AHNAK2: variants seen among roughly 807,000 people sequenced by gnomAD.
AHNAK2 encodes the protein AHNAK nucleoprotein 2, also known as protein AHNAK2.
Under a neutral mutation model 30.7 loss-of-function variants are expected in AHNAK2, and 18 were observed. That is an observed-to-expected ratio of 0.59 (90% CI 0.41 to 0.87). AHNAK2 has a LOEUF of 0.87. Among genes scored for constraint, AHNAK2 ranks in the 40% least tolerant of loss-of-function variants. The pLI is 0.00. For missense variants in AHNAK2, 8,604 were observed against 7,373.0 expected (o/e 1.17, Z -6.11); for synonymous variants, 3,590 against 3,073.8 (o/e 1.17, Z -5.56).
rs191205927 is a variant in AHNAK2 at position 104,948,515 on chromosome 14, A to C, written c.6936T>G (p.Thr2312=). 9,615 of 1,611,804 alleles carry C rather than the reference A, an allele frequency of 6.0e-3. 60 individuals are homozygous for C. Among genetic ancestry groups the C allele is most frequent in the South Asian group, 0.011 (963 of 91,016 alleles). ...GCATTTTGAACTTGCTGTCTTTGGC[A>C]GTCACGTCCTTGTCGGCCAGGGACA... The part of the protein sequence containing the change: ...GDMSLADKDV[T]AKDSKFKMPK... The change falls in exon 7 of 7, where the codon ACT becomes ACG. Residue 2312 remains threonine, a synonymous_variant. Coordinates refer to ENST00000333244, the MANE Select transcript of AHNAK2 (RefSeq NM_138420.4).
At chr14:104,955,902 A>C (rs988099548) in intron 4 of AHNAK2, among the ~76,000 whole-genome samples, 4 of 152,266 alleles carry the variant, frequency 2.6e-5, no homozygotes, top group Non-Finnish European at 5.9e-5. Flanking sequence ...CAGGCCCAGC[A>C]GGGCACCAGG....
intron 1 of AHNAK2, among the ~76,000 whole-genome samples, chr14:104,962,242 G>A (rs1405230224): frequency 6.6e-6 from 1 of 152,146 alleles, no homozygotes; most frequent in Non-Finnish European, 1.5e-5. Context: ...GACAGTCACT[G>A]AGACAGGCCC....
Position 104,944,695 on chromosome 14 carries a change from T to G in AHNAK2, c.10756A>C (p.Lys3586Gln), listed in dbSNP as rs1206661320. ...ACTCTCACTTCTGCCTTGGGGCCTT[T>G]CAGGTCCAGCTTGGGGCCCTTAACA... ...IDVKGPKLDL[K>Q]GPKAEVRVPD... Residue 3586 changes from lysine to glutamine, a missense_variant, in exon 7 of 7, where the codon AAA (lysine) becomes CAA (glutamine). Lys to Gln is a moderately conservative substitution (Grantham distance 53). Coordinates refer to ENST00000333244, the MANE Select transcript of AHNAK2 (RefSeq NM_138420.4). The G allele has an allele frequency of 5.0e-6, 8 of 1,612,724 alleles. No homozygotes were observed. The Admixed American group carries it at 8.3e-5, about 17-fold the overall frequency.
At position 104,953,539 on chromosome 14, in the gene AHNAK2, C is replaced by T; in HGVS notation, c.1912G>A (p.Asp638Asn). 1 of 1,613,972 alleles carries T rather than the reference C, an allele frequency of 6.2e-7. No individual in the cohort carries two copies. Among genetic ancestry groups the T allele is most frequent in the Non-Finnish European group, 8.5e-7 (1 of 1,179,902 alleles). Residue 638 changes from aspartate (D) to asparagine (N), a missense_variant, in exon 7 of 7, where the codon GAC becomes AAC. Transcript: ENST00000333244. ...RTEEGLKDKE[D>N]SDSMTNTTKI... is the part of the protein sequence containing the mutation. ...GTTGTGTTTGTCATTGAGTCACTGT[C>T]TTCTTTGTCTTTTAATCCTTCCTCT...
Position 104,949,237 on chromosome 14 carries a change from G to GC in AHNAK2, c.6213dup (p.Pro2072AlafsTer61), listed in dbSNP as rs766102239. 9.3e-7 allele frequency: 1 copy of GC among 1,070,646 alleles called. No homozygotes were observed. The allele number at this position is 1,070,646 out of a possible 1,614,324, so 66.3% of individuals were successfully genotyped here. On this transcript the variant is annotated frameshift_variant, in exon 7 of 7. Coordinates refer to ENST00000333244, the MANE Select transcript of AHNAK2 (RefSeq NM_138420.4). LOFTEE classifies it low-confidence loss of function (END_TRUNC). ...TTCAAACTGGGCATCTCCACCTTGG[G>GC]CAGGTGCCCTTTGAGGCCAGCTCCC...
rs1898196475 is a variant in AHNAK2 at position 104,945,216 on chromosome 14, T to A, written c.10235A>T (p.Asp3412Val). 1 of 1,612,776 alleles carries A rather than the reference T, an allele frequency of 6.2e-7. No homozygotes were observed. Among genetic ancestry groups the A allele is most frequent in the Admixed American group, 1.7e-5 (1 of 59,924 alleles). ...PKVDLKSPQVDIKGPKLDLKV... is the reference protein window; with the variant it reads ...PKVDLKSPQVVIKGPKLDLKV... Reference sequence around the variant, plus strand: ...TAGGTCCAGCTTGGGGCCCTTGATGTCCACCTGGGGGCTCTTGAGGTCCAC... The same window carrying A: ...TAGGTCCAGCTTGGGGCCCTTGATGACCACCTGGGGGCTCTTGAGGTCCAC... The change falls in exon 7 of 7, where the codon GAC becomes GTC. Residue 3412 changes from aspartate to valine, a missense_variant. Asp to Val is a radical substitution (Grantham distance 152, BLOSUM62 -3). Coordinates refer to ENST00000333244, the MANE Select transcript of AHNAK2 (RefSeq NM_138420.4).
At chr14:104,957,796 C>T (rs1326371793) in intron 1 of AHNAK2, 124 bp from the exon 2 acceptor site, 20 of 1,001,552 alleles carry the variant, frequency 2.0e-5, no homozygotes, top group South Asian at 7.3e-5. Flanking sequence ...GACACTGGAT[C>T]GGAGAGCAAA....
Position 104,954,083 on chromosome 14 carries a change from C to G in AHNAK2, c.1368G>C (p.Gln456His). The G allele has an allele frequency of 1.2e-6, 2 of 1,613,256 alleles. No homozygotes were observed. Among genetic ancestry groups the G allele is most frequent in the Non-Finnish European group, 1.7e-6 (2 of 1,179,862 alleles). The change falls in exon 7 of 7, where the codon CAG (glutamine) becomes CAC (histidine). Residue 456 changes from glutamine (Q) to histidine (H), a missense_variant. Transcript: ENST00000333244. This position sits in a 1 kb window ranked among gnomAD's most constrained non-coding sequence, Gnocchi z 4.3. ...MSREGEGEGL[Q>H]SLEIGIARLS... ...GTCTGGCGATCCCGATTTCCAGGCT[C>G]TGCAGTCCCTCGCCTTCACCCTCCC... is the stretch of plus-strand genomic sequence containing the variant.
rs759787478 is a variant in AHNAK2 at position 104,939,161 on chromosome 14, C to A, written c.16290G>T (p.Gly5430=). 8.1e-6 allele frequency: 13 copies of A among 1,612,400 alleles called. 1 individual carries two copies. The Admixed American group carries it at 1.2e-4, about 15-fold the overall frequency. ...CCTTCAGGATGCTGGCTCCCCAGAG[C>A]CCCGGACTTTCCTTACAAAGGGCTG... ...IDTALCKESP[G]LWGASILKAG... The change falls in exon 7 of 7, where the codon GGG becomes GGT. Residue 5430 remains glycine, a synonymous_variant. Transcript: ENST00000333244.
chr14:104,955,695 G>C, intron 4 of AHNAK2, 62 bp from the exon 5 acceptor site: 3 of 1,568,810 alleles, frequency 1.9e-6, no homozygotes, highest in South Asian at 2.4e-5. Context: ...AAGCATCCCT[G>C]CTGGGGCCTG....
rs565631391 is a variant in AHNAK2, at chr14:104,946,947, G to A, written c.8504C>T (p.Ser2835Leu). Residue 2835 changes from serine to leucine, a missense_variant, in exon 7 of 7, where the codon TCG becomes TTG. Coordinates refer to ENST00000333244, the MANE Select transcript of AHNAK2 (RefSeq NM_138420.4). The stretch of plus-strand genomic sequence containing the variant: ...CACCTTCAGCTCAGACACATCCACC[G>A]AGGCCTCGATGGACTTGCCTGGGGC... ...VSAPGKSIEA[S>L]VDVSELKVEA... The A allele has an allele frequency of 2.6e-4, 419 of 1,611,148 alleles. 5 individuals carry two copies. In the Middle Eastern group the frequency reaches 2.6e-3, roughly 10 times the overall value.
In AHNAK2 at chr14:104,952,689, A is replaced by G; in HGVS notation, c.2762T>C (p.Met921Thr). Residue 921 changes from methionine to threonine, a missense_variant, in exon 7 of 7, where the codon ATG becomes ACG. Coordinates refer to ENST00000333244, the MANE Select transcript of AHNAK2 (RefSeq NM_138420.4). ...GPKVHLPKVE[M>T]PSFKMPKVDL... ...CACTTTGGGCATCTTGAAACTGGGC[A>G]TCTCCACTTTGGGCAGGTGCACTTT... 5.6e-6 allele frequency: 9 copies of G among 1,611,948 alleles called. No homozygotes were observed. Among genetic ancestry groups the G allele is most frequent in the Non-Finnish European group, 7.6e-6 (9 of 1,179,412 alleles).
chr14:104,941,043 G>A lies in AHNAK2; in HGVS notation c.14408C>T (p.Ala4803Val), dbSNP rs1259363370. ...TKYQVTVPRAALAPELALEIP... is the reference protein window; with the variant it reads ...TKYQVTVPRAVLAPELALEIP... ...TTCCAGAGCAAGCTCAGGGGCCAAG[G>A]CAGCTCTGGGAACAGTCACCTGGTA... is the stretch of plus-strand genomic sequence containing the variant. Residue 4803 changes from alanine to valine, a missense_variant, in exon 7 of 7, where the codon GCC becomes GTC. Ala to Val is a moderately conservative substitution (Grantham distance 64). Transcript: ENST00000333244. The A allele has an allele frequency of 6.2e-7, 1 of 1,613,622 alleles. No individual in the cohort carries two copies. Among genetic ancestry groups the A allele is most frequent in the Non-Finnish European group, 8.5e-7 (1 of 1,179,894 alleles).
chr14:104,941,755 C>A lies in AHNAK2; in HGVS notation c.13696G>T (p.Val4566Leu), dbSNP rs370550153. 8.6e-5 allele frequency: 139 copies of A among 1,613,068 alleles called. No homozygotes were observed. The highest frequency in any genetic ancestry group is 1.0e-4 in the Non-Finnish European group (121 of 1,179,644). ...TCCAGCTTGGGGCCCTTGACGTCCA[C>A]CTGGGGGCCCTTGAGGTCCACTTTG... Reference protein sequence around the residue: ...MPKVDLKGPQVDVKGPKLDLK... With the variant: ...MPKVDLKGPQLDVKGPKLDLK... The change falls in exon 7 of 7, where the codon GTG (valine) becomes TTG (leucine). Residue 4566 changes from valine (V) to leucine (L), a missense_variant. Val to Leu is a conservative substitution (Grantham distance 32, BLOSUM62 1). Transcript: ENST00000333244.
Position 104,952,319 on chromosome 14 carries a change from A to C in AHNAK2, c.3132T>G (p.Thr1044=), listed in dbSNP as rs747659713. The C allele has an allele frequency of 9.3e-6, 15 of 1,611,920 alleles. 1 individual carries two copies. The African/African-American group carries it at 1.9e-4, about 20-fold the overall frequency. The change falls in exon 7 of 7, where the codon ACT becomes ACG. Residue 1044 remains threonine (T), a synonymous_variant. Transcript: ENST00000333244. The stretch of plus-strand genomic sequence containing the variant: ...TAGAAGCAGGCTGAATGCTGAGGTC[A>C]GTGGTCTTCAGGTCCCCCTGCATGG... The part of the protein sequence containing the change: ...LPSMQGDLKT[T]DLSIQPASTD...
In AHNAK2 at chr14:104,938,903, G is replaced by C. The variant is rs763978102; in HGVS notation, c.16548C>G (p.Tyr5516Ter). ...TTTTCACTTTTAATAAGGAAAATCC[G>C]TACGAAGGTGTTTGAATCTCTGACG... ...IPTSEIQTPSYGFSLLKVKIP... is the reference protein window; with the variant it reads ...IPTSEIQTPS Residue 5516 changes from tyrosine to a stop codon, truncating the protein, a stop_gained, in exon 7 of 7, where the codon TAC (tyrosine) becomes TAG (stop). Transcript: ENST00000333244. LOFTEE classifies it low-confidence loss of function (END_TRUNC). 1 of 1,613,582 alleles carries C rather than the reference G, an allele frequency of 6.2e-7. No homozygotes were observed. The highest frequency in any genetic ancestry group is 1.3e-5 in the African/African-American group (1 of 74,922).
chr14:104,971,380 G>A (rs1048227701), intron 1 of AHNAK2, among the ~76,000 whole-genome samples: 1 of 152,132 alleles, frequency 6.6e-6, no homozygotes. Context: ...CTCCCAAGTG[G>A]CTGGGGCTGC....
intron 1 of AHNAK2, among the ~76,000 whole-genome samples, chr14:104,977,102 G>A (rs1899612640): frequency 6.6e-6 from 1 of 152,194 alleles, no homozygotes; most frequent in African/African-American, 2.4e-5. Flanking sequence ...GGCCTTGGTA[G>A]TGCCTGCTGC....
In AHNAK2 at chr14:104,938,306, G is replaced by A. The variant is rs376171236; in HGVS notation, c.17145C>T (p.Thr5715=). ...GTTCTTCCAGCTCTGCCCCATCTTC[G>A]GTGCTTTTGCTTTTCTTGGTAGGAG... ...SSSPTKKSKS[T]EDGAELEEQK... Residue 5715 remains threonine, a synonymous_variant, in exon 7 of 7, where the codon ACC becomes ACT. Coordinates refer to ENST00000333244, the MANE Select transcript of AHNAK2 (RefSeq NM_138420.4). 27 of 1,613,716 alleles carry A rather than the reference G, an allele frequency of 1.7e-5. No homozygotes were observed. The highest frequency in any genetic ancestry group is 1.1e-4 in the African/African-American group (8 of 74,878).
Sources: allele counts gnomAD v4.1 joint callset (sites outside exome capture counted in the v4.1 genomes callset), GRCh38; gene constraint gnomAD v4.1.1; non-coding constraint Gnocchi (gnomAD v3.1); transcripts MANE v1.5; gene names NCBI Gene and HGNC (gene_info 2026-07-23, HGNC 2026-07-21).